Variants in ZNF613 observed in about 807,000 individuals in gnomAD.
ZNF613 encodes the protein zinc finger protein 613.
A neutral mutation model predicts 14.3 loss-of-function variants in ZNF613; 8 were observed. The ratio of observed to expected loss-of-function variants is 0.56; its 90% confidence interval spans 0.33 to 1.01. ZNF613 has a LOEUF of 1.01. Among genes scored for constraint, ZNF613 ranks in the 50% least tolerant of loss-of-function variants. ZNF613 has a pLI of 0.03. For synonymous variants in ZNF613, 228 were observed against 254.5 expected (o/e 0.90, Z 0.99); for missense variants, 656 against 741.9 (o/e 0.88, Z 1.35).
intron 2 of ZNF613, among the ~76,000 whole-genome samples, chr19:51,930,954 G>T (rs1036680696): frequency 6.6e-6 from 1 of 152,102 alleles, no homozygotes; most frequent in African/African-American, 2.4e-5. Flanking sequence ...TTTATTACAG[G>T]CATTCTAGTG....
intron 2 of ZNF613, among the ~76,000 whole-genome samples, chr19:51,932,813 T>C (rs973524370): frequency 4.6e-5 from 7 of 151,908 alleles, no homozygotes; most frequent in Non-Finnish European, 1.0e-4. Context: ...ACAGCTGGGA[T>C]TATAGGCATG....
At chr19:51,940,571 A>C in intron 4 of ZNF613, 46 bp from the exon 5 acceptor site, 1 of 1,562,452 alleles carries the variant, frequency 6.4e-7, no homozygotes, top group South Asian at 1.2e-5. Flanking sequence ...GATAGACCAC[A>C]GCTCAATTCA....
At chr19:51,940,090 C>A in intron 3 of ZNF613, 119 bp from the exon 4 acceptor site, 2 of 1,298,380 alleles carry the variant, frequency 1.5e-6, no homozygotes, top group Non-Finnish European at 2.2e-6. Flanking sequence ...TTAAAAATCA[C>A]AGCACCTAGA....
At position 51,944,403 on chromosome 19, in the gene ZNF613, A is replaced by G. The variant is rs774997641; in HGVS notation, c.520A>G (p.Asn174Asp). 6 of 1,608,060 alleles carry G rather than the reference A, an allele frequency of 3.7e-6. No homozygotes were observed. The East Asian group carries it at 8.9e-5, about 24-fold the overall frequency. Residue 174 changes from asparagine to aspartate, a missense_variant, in exon 6 of 6, where the codon AAT (asparagine) becomes GAT (aspartate). Asn to Asp is a conservative substitution (Grantham distance 23). Coordinates refer to ENST00000293471, the MANE Select transcript of ZNF613 (RefSeq NM_001031721.4). The part of the protein sequence containing the change: ...FLHAKHEQFH[N>D]EMNFPEGGNS... ...TCATGCCAAGCATGAACAATTTCATAATGAAATGAACTTCCCCGAAGGTGG... is the reference window on the plus strand; with the variant it reads ...TCATGCCAAGCATGAACAATTTCATGATGAAATGAACTTCCCCGAAGGTGG...
Position 51,940,301 on chromosome 19 carries a change from G to A in ZNF613, c.108G>A (p.Val36=), listed in dbSNP as rs1241952029. ...CTCAGAAGGACCTGTACCGAGACGT[G>A]ATGTTGGAGAACTATAGCAACCTCG... ...GPAQKDLYRD[V]MLENYSNLVS... Residue 36 remains valine, a synonymous_variant, in exon 4 of 6, where the codon GTG becomes GTA. Transcript: ENST00000293471. 2 of 1,613,764 alleles carry A rather than the reference G, an allele frequency of 1.2e-6. No homozygotes were observed. The highest frequency in any genetic ancestry group is 1.7e-6 in the Non-Finnish European group (2 of 1,179,806).
chr19:51,928,837 G>C (rs1172169693), intron 1 of ZNF613, among the ~76,000 whole-genome samples: 3 of 139,174 alleles, frequency 2.2e-5, no homozygotes, highest in Admixed American at 1.5e-4. Flanking sequence ...CTGGGCAACA[G>C]AGTGAGACCC....
At chr19:51,928,805 T>C (rs1004814384) in intron 1 of ZNF613, among the ~76,000 whole-genome samples, 1 of 143,578 alleles carries the variant, frequency 7.0e-6, no homozygotes, top group African/African-American at 2.6e-5. Context: ...CAGTGAACTA[T>C]GATTGAGCAC....
intron 2 of ZNF613, among the ~76,000 whole-genome samples, chr19:51,932,860 G>C (rs554366520): frequency 6.6e-6 from 1 of 152,106 alleles, no homozygotes; most frequent in South Asian, 2.1e-4. Flanking sequence ...ACTTTTTGTA[G>C]AGATGGGGTT....
At chr19:51,933,989 G>A (rs924516567) in intron 2 of ZNF613, among the ~76,000 whole-genome samples, 1 of 152,092 alleles carries the variant, frequency 6.6e-6, no homozygotes, top group East Asian at 1.9e-4. Flanking sequence ...AGTAGAGATG[G>A]GGTTTCACCA....
chr19:51,932,439 G>C (rs1011258467), intron 2 of ZNF613, among the ~76,000 whole-genome samples: 1 of 149,470 alleles, frequency 6.7e-6, no homozygotes, highest in Non-Finnish European at 1.5e-5. Flanking sequence ...CTAGGATTAC[G>C]GGCATGCGCC....
Position 51,940,621 on chromosome 19 carries a change from T to A in ZNF613, c.147T>A (p.Tyr49Ter), listed in dbSNP as rs1405887614. ...ENYSNLVSVG[Y>*]QASKPDALFK... ...TGTATCATTTCCTATGAACAGGGTA[T>A]CAAGCCAGCAAACCAGATGCACTCT... Residue 49 changes from tyrosine to a stop codon, truncating the protein, a stop_gained, in exon 5 of 6, where the codon TAT becomes TAA. Coordinates refer to ENST00000293471, the MANE Select transcript of ZNF613 (RefSeq NM_001031721.4). LOFTEE classifies it high-confidence loss of function. 1 of 1,612,112 alleles carries A rather than the reference T, an allele frequency of 6.2e-7. No homozygotes were observed. The highest frequency in any genetic ancestry group is 1.1e-5 in the South Asian group (1 of 90,840).
intron 2 of ZNF613, among the ~76,000 whole-genome samples, chr19:51,930,791 A>G (rs2122804631): frequency 6.6e-6 from 1 of 152,326 alleles, no homozygotes; most frequent in Admixed American, 6.5e-5. Flanking sequence ...ATATAAGCCT[A>G]GAAATGGAGT....
At chr19:51,938,725 G>GACATATATATATATATATAT (rs1555756064) in intron 3 of ZNF613, among the ~76,000 whole-genome samples, 1 of 118,900 alleles carries the variant, frequency 8.4e-6, no homozygotes, top group Non-Finnish European at 1.6e-5. Flanking sequence ...AATGTACATG[G>GACATATATATATATATATAT]ATATATATAT....
chr19:51,931,394 T>C (rs2122805457), intron 2 of ZNF613, among the ~76,000 whole-genome samples: 1 of 152,334 alleles, frequency 6.6e-6, no homozygotes. Context: ...ATTTTTTGTA[T>C]ATGTTCAATT....
At position 51,944,928 on chromosome 19, in the gene ZNF613, T is replaced by C. The variant is rs1289500743; in HGVS notation, c.1045T>C (p.Cys349Arg). 2 of 1,613,880 alleles carry C rather than the reference T, an allele frequency of 1.2e-6. No homozygotes were observed. Among genetic ancestry groups the C allele is most frequent in the East Asian group, 2.2e-5 (1 of 44,890 alleles). Residue 349 changes from cysteine to arginine, a missense_variant, in exon 6 of 6, where the codon TGT becomes CGT. Coordinates refer to ENST00000293471, the MANE Select transcript of ZNF613 (RefSeq NM_001031721.4). ...AGAGAAACCCTATGAATGCACTGAA[T>C]GTGACAAAGCATTCCGCTGGAAATC... ...TGEKPYECTE[C>R]DKAFRWKSQL...
In ZNF613 at chr19:51,941,857, G is replaced by A. The variant is rs184040956; in HGVS notation, c.235+1148G>A. Among the ~76,000 whole-genome samples, 34 of 152,290 alleles carry A rather than the reference G, an allele frequency of 2.2e-4. No individual in the cohort carries two copies. In the East Asian group the frequency reaches 5.0e-3, roughly 22 times the overall value. On this transcript the variant is annotated intron_variant, in intron 5 of 5. Transcript: ENST00000293471. ...GCTCTTTCAATTGATTTTTGAAGTA[G>A]TCTCATTCTCTTTCCAACCCAAACC...
Position 51,940,249 on chromosome 19 carries a change from G to A in ZNF613, c.56G>A (p.Trp19Ter), listed in dbSNP as rs756785678. 2.5e-6 allele frequency: 4 copies of A among 1,613,758 alleles called. No homozygotes were observed. The South Asian group carries it at 3.3e-5, about 13-fold the overall frequency. The stretch of plus-strand genomic sequence containing the variant: ...GAGGATGTGGCTGTGGAGTTCACTT[G>A]GGAGGAGTGGCAGCTCCTCGGCCCT... ...TLEDVAVEFT[W>*]EEWQLLGPAQ... Residue 19 changes from tryptophan (W) to a stop codon, truncating the protein, a stop_gained, in exon 4 of 6, where the codon TGG becomes TAG. Transcript: ENST00000293471. LOFTEE classifies it high-confidence loss of function.
chr19:51,942,378 A>G (rs1322000019), intron 5 of ZNF613, among the ~76,000 whole-genome samples: 1 of 152,236 alleles, frequency 6.6e-6, no homozygotes, highest in Non-Finnish European at 1.5e-5. Context: ...GTGGTGAAAA[A>G]TGCTGGGAAG....
intron 2 of ZNF613, among the ~76,000 whole-genome samples, chr19:51,931,592 A>G (rs781184282): frequency 2.6e-5 from 4 of 152,208 alleles, no homozygotes; most frequent in Non-Finnish European, 2.9e-5. Context: ...TTATAGTTTC[A>G]TAGAACTTTT....
Sources: gnomAD v4.1 joint callset for allele counts (sites outside exome capture counted in the v4.1 genomes callset) on GRCh38, gnomAD v4.1.1 for gene constraint, MANE v1.5 for transcripts, NCBI Gene and HGNC (gene_info 2026-07-23, HGNC 2026-07-21) for gene names.